Variants in ATRNL1 observed in about 807,000 individuals in gnomAD.
The protein encoded by ATRNL1 is attractin-like protein 1.
In ATRNL1, 95 loss-of-function variants were observed where a neutral mutation model predicts 182.7. The ratio of observed to expected loss-of-function variants is 0.52; its 90% CI spans 0.44 to 0.62. The LOEUF is 0.62. ATRNL1 is among the 20% of genes least tolerant of loss of function. ATRNL1 has a pLI of 0.00. For synonymous variants in ATRNL1, 576 were observed against 568.3 expected (o/e 1.01, Z -0.19); for missense variants, 1,471 against 1,679.5 (o/e 0.88, Z 2.17).
At chr10:115,460,162 G>C (rs1847723164) in intron 21 of ATRNL1, among the ~76,000 whole-genome samples, 1 of 151,992 alleles carries the variant, frequency 6.6e-6, no homozygotes, top group Non-Finnish European at 1.5e-5. Context: ...TAATCTCTTG[G>C]ACCTCTTGTC....
At chr10:115,705,966 T>TA (rs1946882780) in intron 26 of ATRNL1, among the ~76,000 whole-genome samples, 1 of 151,990 alleles carries the variant, frequency 6.6e-6, no homozygotes, top group African/African-American at 2.4e-5. Context: ...TCACACTTCT[T>TA]ACATTTTCTT....
intron 21 of ATRNL1, among the ~76,000 whole-genome samples, chr10:115,459,870 CT>C (rs782491656): frequency 5.9e-5 from 9 of 152,120 alleles, no homozygotes; most frequent in Non-Finnish European, 1.0e-4. Context: ...TAAAATTTCT[CT>C]CTTTTGTACT....
At chr10:115,663,927 T>C (rs775303939) in intron 26 of ATRNL1, among the ~76,000 whole-genome samples, 3 of 152,162 alleles carry the variant, frequency 2.0e-5, no homozygotes, top group Non-Finnish European at 2.9e-5. Context: ...AGAAGTTTAC[T>C]TGGAATTCTA....
intron 4 of ATRNL1, 82 bp downstream of exon 4, chr10:115,127,803 A>G: frequency 1.0e-6 from 1 of 967,372 alleles, no homozygotes; most frequent in Non-Finnish European, 1.4e-6. Flanking sequence ...ATTTTTATTA[A>G]TGTCTTGTAT....
chr10:115,494,702 G>T (rs1849459788), intron 24 of ATRNL1, among the ~76,000 whole-genome samples: 1 of 152,112 alleles, frequency 6.6e-6, no homozygotes, highest in Admixed American at 6.6e-5. Flanking sequence ...ACTTAATTGT[G>T]GTGGATTGGA....
At chr10:115,634,295 G>A (rs782332179) in intron 26 of ATRNL1, among the ~76,000 whole-genome samples, 3 of 152,110 alleles carry the variant, frequency 2.0e-5, no homozygotes, top group Non-Finnish European at 4.4e-5. Context: ...ATGCTATACC[G>A]TGGCATTTCA....
chr10:115,182,080 T>A (rs1447399510), intron 8 of ATRNL1, among the ~76,000 whole-genome samples: 3 of 151,650 alleles, frequency 2.0e-5, no homozygotes, highest in Non-Finnish European at 4.4e-5. Context: ...CAATACATTT[T>A]TATTTTTTAT....
At chr10:115,752,015 A>G (rs888265962) in intron 27 of ATRNL1, among the ~76,000 whole-genome samples, 1 of 152,048 alleles carries the variant, frequency 6.6e-6, no homozygotes, top group African/African-American at 2.4e-5. Flanking sequence ...TAAATGTATT[A>G]CAACTATGAA....
At chr10:115,139,486 G>A (rs182044800) in intron 5 of ATRNL1, among the ~76,000 whole-genome samples, 2 of 152,230 alleles carry the variant, frequency 1.3e-5, no homozygotes, top group Non-Finnish European at 2.9e-5. Context: ...CTCACATGGC[G>A]GCAGACAACA....
chr10:115,286,465 T>G, intron 15 of ATRNL1, 68 bp downstream of exon 15: 1 of 1,149,924 alleles, frequency 8.7e-7, no homozygotes, highest in Non-Finnish European at 1.2e-6. Context: ...TGAAATTTTT[T>G]TTTGGTTTTA....
chr10:115,595,782 T>C (rs1315767953), intron 26 of ATRNL1, among the ~76,000 whole-genome samples: 4 of 14,290 alleles, frequency 2.8e-4, no homozygotes, highest in African/African-American at 4.5e-4. Context: ...TACAATTTGG[T>C]CTCAATTTGA....
At chr10:115,430,576 G>A (rs1846111238) in intron 21 of ATRNL1, among the ~76,000 whole-genome samples, 1 of 152,034 alleles carries the variant, frequency 6.6e-6, no homozygotes, top group Non-Finnish European at 1.5e-5. Context: ...TGTTGTGGGG[G>A]TTTGGTATAC....
intron 26 of ATRNL1, among the ~76,000 whole-genome samples, chr10:115,585,239 GA>G (rs200191928): frequency 0.29 from 20,567 of 72,020 alleles, 4,340 homozygotes; most frequent in African/African-American, 0.51. Flanking sequence ...ATTTGGGGTG[GA>G]GAGTTCTGTA....
At chr10:115,369,536 G>A (rs535296199) in intron 19 of ATRNL1, among the ~76,000 whole-genome samples, 1 of 152,082 alleles carries the variant, frequency 6.6e-6, no homozygotes, top group Non-Finnish European at 1.5e-5. Context: ...TAAACATGGG[G>A]AGTGCATATA....
chr10:115,479,711 T>A lies in ATRNL1; in HGVS notation c.3654+10382T>A, dbSNP rs1008397998. ...AATCATGCCATTGAGTTCATTTGCA[T>A]GTTTGTAATATGAGATTTTATTTTG... On this transcript the variant is annotated intron_variant, in intron 24 of 28. Coordinates refer to ENST00000355044, the MANE Select transcript of ATRNL1 (RefSeq NM_207303.4). 6.6e-5 allele frequency among the ~76,000 whole-genome samples: 10 copies of A among 151,414 alleles called. 1 individual carries two copies. Among genetic ancestry groups the A allele is most frequent in the Admixed American group, 4.0e-4 (6 of 15,134 alleles).
chr10:115,752,830 T>C (rs1426158181), intron 27 of ATRNL1, among the ~76,000 whole-genome samples: 6 of 152,128 alleles, frequency 3.9e-5, no homozygotes, highest in Non-Finnish European at 8.8e-5. Flanking sequence ...CCTAGTATTT[T>C]AAGTAAGTAG....
intron 27 of ATRNL1, among the ~76,000 whole-genome samples, chr10:115,728,072 G>A (rs1555060968): frequency 1.4e-5 from 2 of 141,504 alleles, no homozygotes; most frequent in East Asian, 2.1e-4. Context: ...TCAGGAGATC[G>A]CGACCATCCT....
chr10:115,288,555 T>C (rs1393222169), intron 15 of ATRNL1, among the ~76,000 whole-genome samples: 3 of 151,570 alleles, frequency 2.0e-5, no homozygotes, highest in African/African-American at 7.3e-5. Context: ...ACAGTCTCGC[T>C]CAGTTGGCCA....
At chr10:115,124,247 A>C (rs1844866692) in intron 3 of ATRNL1, among the ~76,000 whole-genome samples, 1 of 152,084 alleles carries the variant, frequency 6.6e-6, no homozygotes, top group Non-Finnish European at 1.5e-5. Flanking sequence ...ATCTGGCTAC[A>C]TATTTAGGGG....
Sources: allele counts gnomAD v4.1 joint callset (sites outside exome capture counted in the v4.1 genomes callset), GRCh38; gene constraint gnomAD v4.1.1; transcripts MANE v1.5; gene names NCBI Gene and HGNC (gene_info 2026-07-23, HGNC 2026-07-21).